The following CYP7B1 variants were observed in gnomAD, a reference collection of about 807,000 sequenced individuals.
CYP7B1 encodes the protein cytochrome P450 family 7 subfamily B member 1, also known as cytochrome P450 7B1.
CYP7B1 carries 29 observed loss-of-function variants against 42.7 expected under a neutral mutation model. The ratio of observed to expected loss-of-function variants is 0.68; its 90% CI spans 0.51 to 0.93. The LOEUF (loss-of-function observed/expected upper bound fraction) is 0.93. CYP7B1 is among the 40% of genes least tolerant of loss of function. The probability of loss-of-function intolerance (pLI) is 0.00; values close to 1 mark genes in which losing one functional copy is unlikely to be tolerated. For synonymous variants in CYP7B1, 235 were observed against 218.2 expected, an observed-to-expected ratio of 1.08 and a Z score of -0.68; for missense variants, 655 against 600.5, an observed-to-expected ratio of 1.09 and a Z score of -0.95.
chr8:64,764,229 G>GCCCCCCCCCCCCCCCC (rs59605103), intron 1 of CYP7B1, among the ~76,000 whole-genome samples: 7 of 125,144 alleles, frequency 5.6e-5, no homozygotes, highest in Admixed American at 8.8e-5. Context: ...CTTCCACGCT[G>GCCCCCCCCCCCCCCCC]CCCCCCCCAC....
chr8:64,788,689 T>C (rs1046880197), intron 1 of CYP7B1, among the ~76,000 whole-genome samples: 2 of 152,246 alleles, frequency 1.3e-5, no homozygotes, highest in African/African-American at 2.4e-5. Flanking sequence ...CTTAAATGTA[T>C]GTATATATCA....
chr8:64,744,414 G>A (rs1288932125), intron 1 of CYP7B1, among the ~76,000 whole-genome samples: 4 of 151,672 alleles, frequency 2.6e-5, no homozygotes, highest in East Asian at 3.9e-4. Context: ...AATTTGCCAC[G>A]GTAGAATGCT....
At chr8:64,674,958 C>T (rs1806423429) in intron 1 of CYP7B1, among the ~76,000 whole-genome samples, 1 of 151,952 alleles carries the variant, frequency 6.6e-6, no homozygotes, top group Non-Finnish European at 1.5e-5. Context: ...TGGGGCTTAT[C>T]ACCGTGAATA....
In CYP7B1 at chr8:64,769,828, C is replaced by T. The variant is rs117970961; in HGVS notation, c.122+28638G>A. On this transcript the variant is annotated intron_variant, in intron 1 of 5. Coordinates refer to ENST00000310193, the MANE Select transcript of CYP7B1 (RefSeq NM_004820.5). ...TTCCCCCCATCCTACTGAGCATACA[C>T]CCAAAAGTCTATTCTTCCTGAAGAC... Among the ~76,000 whole-genome samples the T allele has an allele frequency of 4.2e-3, 647 of 152,240 alleles. 5 individuals are homozygous for T. Among genetic ancestry groups the T allele is most frequent in the Admixed American group, 5.1e-3 (78 of 15,288 alleles).
At chr8:64,762,329 C>A (rs1807902902) in intron 1 of CYP7B1, among the ~76,000 whole-genome samples, 1 of 152,116 alleles carries the variant, frequency 6.6e-6, no homozygotes, top group African/African-American at 2.4e-5. Flanking sequence ...AATACCTGTT[C>A]ATGAATGATG....
intron 2 of CYP7B1, among the ~76,000 whole-genome samples, chr8:64,622,614 G>A (rs573024500): frequency 6.6e-6 from 1 of 152,266 alleles, no homozygotes; most frequent in Admixed American, 6.5e-5. Flanking sequence ...AGAGCTGAAT[G>A]CAAAAGAAAA....
chr8:64,718,650 G>A (rs1807192567), intron 1 of CYP7B1, among the ~76,000 whole-genome samples: 1 of 152,214 alleles, frequency 6.6e-6, no homozygotes, highest in East Asian at 1.9e-4. Context: ...CCAGGTCTGA[G>A]GTTAGCCGAT....
At chr8:64,658,873 A>C (rs1806160488) in intron 1 of CYP7B1, among the ~76,000 whole-genome samples, 1 of 152,150 alleles carries the variant, frequency 6.6e-6, no homozygotes, top group Non-Finnish European at 1.5e-5. Flanking sequence ...TCCCTCTTTC[A>C]AGTACCTAAT....
At chr8:64,688,373 T>A (rs1023540678) in intron 1 of CYP7B1, among the ~76,000 whole-genome samples, 8 of 152,150 alleles carry the variant, frequency 5.3e-5, no homozygotes, top group Non-Finnish European at 1.0e-4. Flanking sequence ...CTTTCCTTCC[T>A]TCCTCCCTCC....
intron 4 of CYP7B1, 90 bp from the exon 5 acceptor site, chr8:64,604,947 C>T (rs1440700828): frequency 7.2e-7 from 1 of 1,382,680 alleles, no homozygotes; most frequent in Non-Finnish European, 1.0e-6. Context: ...TACTAATAGC[C>T]TTGATTGAAA....
intron 2 of CYP7B1, among the ~76,000 whole-genome samples, chr8:64,622,678 G>A (rs1020301203): frequency 3.3e-5 from 5 of 152,136 alleles, no homozygotes; most frequent in African/African-American, 1.2e-4. Context: ...TATAAGTGAT[G>A]GTAAGAGCCC....
chr8:64,759,577 T>G (rs1353951644), intron 1 of CYP7B1, among the ~76,000 whole-genome samples: 1 of 152,214 alleles, frequency 6.6e-6, no homozygotes, highest in Non-Finnish European at 1.5e-5. Flanking sequence ...AATTATTTTT[T>G]TTAATATGGA....
intron 1 of CYP7B1, among the ~76,000 whole-genome samples, chr8:64,718,196 T>C (rs1435753241): frequency 6.6e-6 from 1 of 152,030 alleles, no homozygotes; most frequent in African/African-American, 2.4e-5. Flanking sequence ...ATATTCAAAG[T>C]GAGAGTTATT....
chr8:64,786,290 A>C (rs1804524996), intron 1 of CYP7B1, among the ~76,000 whole-genome samples: 1 of 152,226 alleles, frequency 6.6e-6, no homozygotes, highest in Admixed American at 6.5e-5. Context: ...ATCTGAGACA[A>C]GGCAAGTCCC....
chr8:64,702,797 C>G (rs1305979561), intron 1 of CYP7B1, among the ~76,000 whole-genome samples: 3 of 152,034 alleles, frequency 2.0e-5, no homozygotes, highest in Non-Finnish European at 2.9e-5. Context: ...GCAATAATAT[C>G]GGGCATGCAG....
intron 1 of CYP7B1, among the ~76,000 whole-genome samples, chr8:64,667,054 A>G (rs1806291118): frequency 6.6e-6 from 1 of 152,202 alleles, no homozygotes; most frequent in African/African-American, 2.4e-5. Flanking sequence ...CTTTCACATA[A>G]TCAGGGGCTA....
At chr8:64,624,364 T>C (rs765387293) in intron 2 of CYP7B1, 39 bp downstream of exon 2, 1 of 1,581,212 alleles carries the variant, frequency 6.3e-7, no homozygotes, top group East Asian at 2.3e-5. Flanking sequence ...AAGTGAAAAA[T>C]GATGACATAT....
intron 1 of CYP7B1, 85 bp downstream of exon 1, chr8:64,798,381 G>T: frequency 7.1e-7 from 1 of 1,413,376 alleles, no homozygotes; most frequent in East Asian, 2.9e-5. Context: ...TGGAAATCAT[G>T]GAGGGGGACT....
Position 64,678,881 on chromosome 8 carries a change from CTGTGTGTGTGTGTG to C in CYP7B1, c.123-54356_123-54343del, listed in dbSNP as rs56067911. On this transcript the variant is annotated intron_variant, in intron 1 of 5. Coordinates refer to ENST00000310193, the MANE Select transcript of CYP7B1 (RefSeq NM_004820.5). ...GAATTGCTTTTGTTAAACATCAATG[CTGTGTGTGTGTGTG>C]TGTGTGTGTGTGTGTATAGAGAGAT... Among the ~76,000 whole-genome samples, 3 of 147,744 alleles carry C rather than the reference CTGTGTGTGTGTGTG, an allele frequency of 2.0e-5. No homozygotes were observed. The South Asian group carries it at 6.5e-4, about 32-fold the overall frequency.
Sources: gnomAD v4.1 joint callset for allele counts (sites outside exome capture counted in the v4.1 genomes callset) on GRCh38, gnomAD v4.1.1 for gene constraint, MANE v1.5 for transcripts, NCBI Gene and HGNC (gene_info 2026-07-23, HGNC 2026-07-21) for gene names.